ESR1: variants seen among roughly 807,000 people sequenced by gnomAD.
ESR1 encodes estrogen receptor.
A neutral mutation model predicts 52.7 loss-of-function variants in ESR1; 12 were observed. The observed-to-expected ratio is 0.23, with a 90% CI of 0.15 to 0.37. The LOEUF (loss-of-function observed/expected upper bound fraction) is 0.37, where lower values mean the gene tolerates loss of function less well. ESR1 is among the 10% of genes least tolerant of loss of function. The pLI, the probability that ESR1 is intolerant of heterozygous loss-of-function variation, is 1.00. For missense variants in ESR1, 584 were observed against 779.7 expected, an observed-to-expected ratio of 0.75 and a Z score of 2.99; for synonymous variants, 305 against 316.8, an observed-to-expected ratio of 0.96 and a Z score of 0.39.
At chr6:151,972,759 G>C (rs539485321) in intron 4 of ESR1, among the ~76,000 whole-genome samples, 17 of 152,274 alleles carry the variant, frequency 1.1e-4, no homozygotes, top group African/African-American at 3.6e-4. Flanking sequence ...ACGATCACAA[G>C]GTTGGGTTCC....
chr6:151,932,998 T>C (rs2033877218), intron 3 of ESR1, among the ~76,000 whole-genome samples: 1 of 152,258 alleles, frequency 6.6e-6, no homozygotes, highest in Admixed American at 6.5e-5. Context: ...AAGAAAGATA[T>C]TGGTAGCTTG....
Position 152,080,822 on chromosome 6 carries a change from G to GA in ESR1, c.1370-13553dup, listed in dbSNP as rs1309441001. Reference sequence around the variant, plus strand: ...GGAAAATCTACTGAGCAAATGGAAAGAAAAAAAAAAGCAGGGGTTGCAATC... The same window carrying GA: ...GGAAAATCTACTGAGCAAATGGAAAGAAAAAAAAAAAGCAGGGGTTGCAATC... On this transcript the variant is annotated intron_variant, in intron 6 of 7. Transcript: ENST00000206249. Among the ~76,000 whole-genome samples the GA allele has an allele frequency of 1.1e-3, 153 of 145,632 alleles. 1 individual carries two copies. Among genetic ancestry groups the GA allele is most frequent in the African/African-American group, 1.5e-3 (58 of 39,802 alleles).
At chr6:151,701,304 T>A (rs1779761307) in intron 1 of ESR1, among the ~76,000 whole-genome samples, 1 of 151,416 alleles carries the variant, frequency 6.6e-6, no homozygotes, top group Non-Finnish European at 1.5e-5. Flanking sequence ...GGTGGGTGGA[T>A]CACCGGAGGT....
At chr6:152,107,132 G>A (rs557086248), downstream of ESR1, among the ~76,000 whole-genome samples, 105 of 152,148 alleles carry the variant, frequency 6.9e-4, 1 homozygote, top group Non-Finnish European at 1.3e-3. Flanking sequence ...GTAAAGTGAT[G>A]TTTGTCATCA....
intron 4 of ESR1, among the ~76,000 whole-genome samples, chr6:151,976,556 G>A (rs2039456976): frequency 6.6e-6 from 1 of 151,952 alleles, no homozygotes; most frequent in Non-Finnish European, 1.5e-5. Context: ...CATCAGAATA[G>A]TATTAATATT....
chr6:151,925,306 T>A (rs760134025), intron 3 of ESR1, among the ~76,000 whole-genome samples: 16 of 152,150 alleles, frequency 1.1e-4, no homozygotes, highest in Non-Finnish European at 1.9e-4. Flanking sequence ...CTTTTGCCCA[T>A]TTTAAAAGTG....
intron 2 of ESR1, among the ~76,000 whole-genome samples, chr6:151,875,974 T>G (rs1392371547): frequency 6.6e-6 from 1 of 151,938 alleles, no homozygotes; most frequent in African/African-American, 2.4e-5. Flanking sequence ...GGCCACCCTG[T>G]GGGGAAGGAT....
At chr6:151,782,907 T>C (rs1786686005) in intron 2 of ESR1, among the ~76,000 whole-genome samples, 1 of 152,240 alleles carries the variant, frequency 6.6e-6, no homozygotes, top group Non-Finnish European at 1.5e-5. Context: ...TAAACTGTAA[T>C]GAACCAGAAA....
intron 2 of ESR1, among the ~76,000 whole-genome samples, chr6:151,764,740 G>A (rs1242531762): frequency 6.6e-6 from 1 of 152,136 alleles, no homozygotes; most frequent in Admixed American, 6.5e-5. Context: ...AAGACCGAAC[G>A]AGATCATTTC....
chr6:151,747,827 T>C (rs1173214953), intron 2 of ESR1, among the ~76,000 whole-genome samples: 4 of 152,234 alleles, frequency 2.6e-5, no homozygotes, highest in Admixed American at 1.3e-4. Context: ...ATTCTTTTTA[T>C]TGCCAAATAA....
At chr6:151,955,190 T>C (rs1332238339) in intron 4 of ESR1, among the ~76,000 whole-genome samples, 3 of 152,230 alleles carry the variant, frequency 2.0e-5, no homozygotes, top group Non-Finnish European at 2.9e-5. Flanking sequence ...GGGTAAATGG[T>C]TATTATTGCC....
intron 2 of ESR1, among the ~76,000 whole-genome samples, chr6:151,773,540 A>C (rs1015502002): frequency 2.6e-5 from 4 of 152,206 alleles, no homozygotes; most frequent in African/African-American, 9.6e-5. Context: ...GCCTTGGCTG[A>C]CGCATATGTT....
At chr6:151,999,624 C>G (rs756128766) in intron 4 of ESR1, among the ~76,000 whole-genome samples, 1 of 152,020 alleles carries the variant, frequency 6.6e-6, no homozygotes, top group Non-Finnish European at 1.5e-5. Flanking sequence ...CTTACTTAGT[C>G]TGTTGTGTTT....
chr6:151,831,592 A>G (rs1782427337), intron 1 of ESR1, among the ~76,000 whole-genome samples: 1 of 152,204 alleles, frequency 6.6e-6, no homozygotes, highest in African/African-American at 2.4e-5. Context: ...CCAGGAGCCC[A>G]GGCTCTGGGG....
chr6:152,049,932 G>C lies in ESR1; in HGVS notation c.1236-11059G>C, dbSNP rs563901357. ...TCTCTCTCTCTGAATGATACTGCCT[G>C]AGAGAAATACTCACTTCCTGCTTTG... On this transcript the variant is annotated intron_variant, in intron 5 of 7. Transcript: ENST00000206249. Among the ~76,000 whole-genome samples, 4 of 152,324 alleles carry C rather than the reference G, an allele frequency of 2.6e-5. No homozygotes were observed. The South Asian group carries it at 8.3e-4, about 32-fold the overall frequency.
At chr6:152,092,527 G>A (rs2050268780) in intron 6 of ESR1, among the ~76,000 whole-genome samples, 1 of 152,168 alleles carries the variant, frequency 6.6e-6, no homozygotes, top group South Asian at 2.1e-4. Context: ...TGATAAACTT[G>A]GGAGCCTTTA....
At chr6:151,783,545 C>A (rs1161734813) in intron 2 of ESR1, among the ~76,000 whole-genome samples, 1 of 152,160 alleles carries the variant, frequency 6.6e-6, no homozygotes, top group Admixed American at 6.5e-5. Context: ...ATATTTAATT[C>A]TTCACTTTAC....
chr6:152,115,614 T>C (rs1254493498), intron 6 of ESR1, among the ~76,000 whole-genome samples: 2 of 152,168 alleles, frequency 1.3e-5, no homozygotes. Flanking sequence ...TGAAACTTTC[T>C]GTGTGACTGA....
At chr6:151,836,431 G>C (rs904050942) in intron 1 of ESR1, among the ~76,000 whole-genome samples, 1 of 152,086 alleles carries the variant, frequency 6.6e-6, no homozygotes, top group African/African-American at 2.4e-5. Flanking sequence ...GATTTCATGA[G>C]AAATATTCAC....
Sources: gnomAD v4.1 joint callset for allele counts (sites outside exome capture counted in the v4.1 genomes callset) on GRCh38, gnomAD v4.1.1 for gene constraint, MANE v1.5 for transcripts, NCBI Gene and HGNC (gene_info 2026-07-23, HGNC 2026-07-21) for gene names.